The following COL25A1 variants were observed in gnomAD, a reference collection of about 807,000 sequenced individuals.
COL25A1 encodes the protein collagen type XXV alpha 1 chain.
COL25A1 carries 103 observed loss-of-function variants against 128.4 expected under a neutral mutation model. The observed-to-expected ratio is 0.80, with a 90% confidence interval of 0.68 to 0.94. The LOEUF is 0.94. Among genes scored for constraint, COL25A1 ranks in the 40% least tolerant of loss-of-function variants. The pLI, the probability that COL25A1 is intolerant of heterozygous loss-of-function variation, is 0.00. For missense variants in COL25A1, 745 were observed against 840.0 expected (o/e 0.89, Z 1.40); for synonymous variants, 279 against 277.2 (o/e 1.01, Z -0.06).
chr4:109,093,470 A>AC (rs1354249461), intron 3 of COL25A1, among the ~76,000 whole-genome samples: 8 of 151,576 alleles, frequency 5.3e-5, no homozygotes, highest in African/African-American at 1.2e-4. Flanking sequence ...AAAAAAAAAA[A>AC]AAAAAACCTT....
At chr4:108,855,210 TAAATTG>T (rs1560754612) in intron 24 of COL25A1, among the ~76,000 whole-genome samples, 4 of 149,578 alleles carry the variant, frequency 2.7e-5, no homozygotes, top group South Asian at 2.1e-4. Context: ...TTTTATTTTT[TAAATTG>T]TTGTAAAAGG....
At chr4:108,983,924 G>A (rs1480366187) in intron 6 of COL25A1, among the ~76,000 whole-genome samples, 1 of 152,110 alleles carries the variant, frequency 6.6e-6, no homozygotes. Context: ...GTGTGGAAGG[G>A]GACCCAAGCG....
At chr4:109,072,689 C>A (rs1344655767) in intron 3 of COL25A1, among the ~76,000 whole-genome samples, 3 of 152,160 alleles carry the variant, frequency 2.0e-5, no homozygotes, top group Non-Finnish European at 2.9e-5. Flanking sequence ...TTTCTGTTTT[C>A]TTTCTGAAAC....
chr4:108,909,115 A>T (rs1743903759), intron 13 of COL25A1, among the ~76,000 whole-genome samples: 1 of 152,162 alleles, frequency 6.6e-6, no homozygotes, highest in Non-Finnish European at 1.5e-5. Context: ...TTACAAGAAC[A>T]GTTTAGCTTT....
At chr4:109,128,060 G>T (rs569595296) in intron 3 of COL25A1, among the ~76,000 whole-genome samples, 12 of 152,134 alleles carry the variant, frequency 7.9e-5, no homozygotes, top group Non-Finnish European at 1.5e-4. Flanking sequence ...CAAGCACCTA[G>T]CTGGGGCTGA....
chr4:109,286,123 C>T (rs1723868970), intron 3 of COL25A1, among the ~76,000 whole-genome samples: 1 of 152,096 alleles, frequency 6.6e-6, no homozygotes, highest in Non-Finnish European at 1.5e-5. Flanking sequence ...AGTGTATAGC[C>T]TTCAAAAAGA....
chr4:108,933,199 T>G (rs1311796424), intron 11 of COL25A1, among the ~76,000 whole-genome samples: 1 of 152,222 alleles, frequency 6.6e-6, no homozygotes, highest in East Asian at 1.9e-4. Context: ...TTGCAAGAGC[T>G]AATTTTAGAT....
chr4:108,822,335 C>T (rs560122166), intron 35 of COL25A1, among the ~76,000 whole-genome samples: 8 of 152,198 alleles, frequency 5.3e-5, no homozygotes, highest in Non-Finnish European at 8.8e-5. Context: ...TGAGCCACCA[C>T]GCCCGGCGGT....
At chr4:108,875,825 A>G (rs181312927) in intron 19 of COL25A1, among the ~76,000 whole-genome samples, 41 of 152,298 alleles carry the variant, frequency 2.7e-4, no homozygotes, top group African/African-American at 9.6e-4. Flanking sequence ...ATGTCCATCA[A>G]TGAGAGACTG....
intron 8 of COL25A1, among the ~76,000 whole-genome samples, chr4:108,955,161 C>T (rs1397357120): frequency 6.6e-6 from 1 of 152,020 alleles, no homozygotes; most frequent in Non-Finnish European, 1.5e-5. Flanking sequence ...ACATAAGGGA[C>T]TGTCAATCAT....
intron 31 of COL25A1, 99 bp downstream of exon 31, chr4:108,841,596 T>A: frequency 1.0e-6 from 1 of 988,208 alleles, no homozygotes; most frequent in Non-Finnish European, 1.6e-6. Context: ...TCAACATTAC[T>A]TGACAAATAA....
At chr4:109,125,406 G>A (rs1480297427) in intron 3 of COL25A1, among the ~76,000 whole-genome samples, 1 of 152,258 alleles carries the variant, frequency 6.6e-6, no homozygotes, top group Non-Finnish European at 1.5e-5. Context: ...ACAGCTGGCA[G>A]GGTGCTGAAC....
chr4:109,114,344 C>T (rs7674074), intron 3 of COL25A1, among the ~76,000 whole-genome samples: 12,697 of 152,080 alleles, frequency 0.083, 598 homozygotes, highest in African/African-American at 0.099. Context: ...GGGGTTTACA[C>T]AACTGTATAC....
chr4:108,920,579 T>C lies in COL25A1; in HGVS notation c.734A>G (p.Lys245Arg). The change falls in exon 12 of 38, where the codon AAG becomes AGG. Residue 245 changes from lysine to arginine, a missense_variant and splice_region_variant. Lys to Arg is a conservative substitution (Grantham distance 26). Coordinates refer to ENST00000399132, the MANE Select transcript of COL25A1 (RefSeq NM_198721.4). Reference protein sequence around the residue: ...LMGPLGPPGQKGSIGAPGIPG... With the variant: ...LMGPLGPPGQRGSIGAPGIPG... ...ACAATATTGTTGTTTATACTCTACC[T>C]TTTGTCCCGGAGGCCCTAGAGGACC... 6.2e-7 allele frequency: 1 copy of C among 1,602,796 alleles called. No individual in the cohort carries two copies. The highest frequency in any genetic ancestry group is 8.5e-7 in the Non-Finnish European group (1 of 1,172,050).
chr4:108,850,407 A>G (rs1426622890), intron 26 of COL25A1, among the ~76,000 whole-genome samples: 3 of 149,690 alleles, frequency 2.0e-5, no homozygotes, highest in Non-Finnish European at 3.0e-5. Flanking sequence ...AGGACAGACC[A>G]TGAAAAACAT....
chr4:109,246,630 G>T (rs1344915183), intron 3 of COL25A1, among the ~76,000 whole-genome samples: 2 of 151,856 alleles, frequency 1.3e-5, no homozygotes, highest in East Asian at 1.9e-4. Flanking sequence ...AAATATTTTA[G>T]AATTAAATTG....
intron 3 of COL25A1, among the ~76,000 whole-genome samples, chr4:109,239,879 T>G (rs1307577124): frequency 6.6e-6 from 1 of 152,074 alleles, no homozygotes; most frequent in African/African-American, 2.4e-5. Flanking sequence ...TTTAAATTTT[T>G]TTGGTTTTAC....
At chr4:108,825,105 A>G (rs1732212249) in intron 34 of COL25A1, 91 bp downstream of exon 34, 2 of 1,054,444 alleles carry the variant, frequency 1.9e-6, no homozygotes, top group South Asian at 1.3e-5. Flanking sequence ...CTATATGCAC[A>G]GAAAAAAAAG....
chr4:109,091,673 C>T (rs960609843), intron 3 of COL25A1, among the ~76,000 whole-genome samples: 3 of 151,980 alleles, frequency 2.0e-5, no homozygotes, highest in Admixed American at 2.0e-4. Context: ...GACAGTTCTT[C>T]CCTTTCTGCT....
Sources: allele counts gnomAD v4.1 joint callset (sites outside exome capture counted in the v4.1 genomes callset), GRCh38; gene constraint gnomAD v4.1.1; transcripts MANE v1.5; gene names NCBI Gene and HGNC (gene_info 2026-07-23, HGNC 2026-07-21).